The following CRYBG1 variants were observed in gnomAD, a reference collection of about 807,000 sequenced individuals.
CRYBG1 encodes the protein beta/gamma crystallin domain-containing protein 1.
A neutral mutation model predicts 189.2 loss-of-function variants in CRYBG1; 139 were observed. The ratio of observed to expected loss-of-function variants is 0.73; its 90% CI spans 0.64 to 0.85. CRYBG1 has a LOEUF of 0.85. Among genes scored for constraint, CRYBG1 ranks in the 40% least tolerant of loss-of-function variants. The pLI is 0.00. For synonymous variants in CRYBG1, 1,023 were observed against 1,017.1 expected (o/e 1.01, Z -0.11); for missense variants, 2,611 against 2,675.8 (o/e 0.98, Z 0.53).
chr6:106,551,948 T>C lies in CRYBG1; in HGVS notation c.5409T>C (p.Cys1803=). ...TSFEDWGGKN[C]KISSVQPICL... ...TTGAGGACTGGGGAGGCAAAAATTG[T>C]AAGATCTCTTCTGTTCAACCTATAT... The change falls in exon 14 of 22, where the codon TGT becomes TGC. Residue 1803 remains cysteine, a synonymous_variant. Coordinates refer to ENST00000633556, the MANE Select transcript of CRYBG1 (RefSeq NM_001371242.2). 6.2e-7 allele frequency: 1 copy of C among 1,609,962 alleles called. No homozygotes were observed. Among genetic ancestry groups the C allele is most frequent in the South Asian group, 1.1e-5 (1 of 90,900 alleles).
intron 2 of CRYBG1, among the ~76,000 whole-genome samples, chr6:106,499,046 T>C: frequency 6.6e-6 from 1 of 152,178 alleles, no homozygotes; most frequent in East Asian, 1.9e-4. Flanking sequence ...GGATAATTTA[T>C]ATATTTTTCA....
At chr6:106,548,748 T>G (rs1298503408) in intron 13 of CRYBG1, among the ~76,000 whole-genome samples, 1 of 152,054 alleles carries the variant, frequency 6.6e-6, no homozygotes, top group Non-Finnish European at 1.5e-5. Context: ...TTTTTAAATT[T>G]TATTATTATT....
intron 15 of CRYBG1, 151 bp from the exon 16 acceptor site, chr6:106,553,304 G>T: frequency 1.7e-6 from 1 of 604,322 alleles, no homozygotes. Flanking sequence ...GATCATGAAT[G>T]TAGACATGGA....
chr6:106,450,958 A>G (rs1771771094), intron 1 of CRYBG1, among the ~76,000 whole-genome samples: 1 of 152,232 alleles, frequency 6.6e-6, no homozygotes. Context: ...TGCCTAAATC[A>G]GTTACTGGTG....
At position 106,543,509 on chromosome 6, in the gene CRYBG1, G is replaced by A. The variant is rs1470824864; in HGVS notation, c.4951G>A (p.Val1651Ile). 4 of 1,614,086 alleles carry A rather than the reference G, an allele frequency of 2.5e-6. No individual in the cohort carries two copies. Among genetic ancestry groups the A allele is most frequent in the South Asian group, 2.2e-5 (2 of 91,088 alleles). Residue 1651 changes from valine to isoleucine, a missense_variant, in exon 11 of 22, where the codon GTC becomes ATC. This residue lies in a region of CRYBG1 where 1,622 missense variants were observed against 1,735.0 expected (regional missense o/e 0.93). Transcript: ENST00000633556. ...VELETGMCSF[V>I]MEGGETEEAT... Reference sequence around the variant, plus strand: ...ACTAGAAACAGGAATGTGTAGTTTTGTCATGGAGGGAGGTGAAACAGAAGA... The same window carrying A: ...ACTAGAAACAGGAATGTGTAGTTTTATCATGGAGGGAGGTGAAACAGAAGA...
intron 3 of CRYBG1, 86 bp downstream of exon 3, chr6:106,513,125 T>C (rs552765874): frequency 1.4e-6 from 2 of 1,441,414 alleles, no homozygotes; most frequent in East Asian, 2.5e-5. Context: ...ATCTGCATTG[T>C]GGAAGAAACG....
At chr6:106,553,196 G>C (rs1014979679) in intron 15 of CRYBG1, among the ~76,000 whole-genome samples, 1 of 152,062 alleles carries the variant, frequency 6.6e-6, no homozygotes, top group Admixed American at 6.6e-5. Flanking sequence ...TTCACAACAG[G>C]GTGTTCTATA....
chr6:106,379,894 T>C (rs1226567941), intron 1 of CRYBG1, among the ~76,000 whole-genome samples: 1 of 152,226 alleles, frequency 6.6e-6, no homozygotes, highest in Non-Finnish European at 1.5e-5. Context: ...TTTTACATTC[T>C]AATTACAGAT....
At chr6:106,506,009 G>T (rs1773125220) in intron 2 of CRYBG1, among the ~76,000 whole-genome samples, 1 of 152,150 alleles carries the variant, frequency 6.6e-6, no homozygotes, top group East Asian at 1.9e-4. Context: ...ACAAGATTTT[G>T]TTCCACTTTC....
rs566901310 is a variant in CRYBG1, at chr6:106,425,427, C to T, written c.174-26267C>T. ...TTATCCTACTCCTTGACATTCTATA[C>T]TTGCAGTTAACTCCCTTCAGTGTAG... On this transcript the variant is annotated intron_variant, in intron 1 of 21. Coordinates refer to ENST00000633556, the MANE Select transcript of CRYBG1 (RefSeq NM_001371242.2). 5.3e-5 allele frequency among the ~76,000 whole-genome samples: 8 copies of T among 152,290 alleles called. No homozygotes were observed. In the East Asian group the frequency reaches 1.2e-3, roughly 22 times the overall value.
chr6:106,519,192 G>A lies in CRYBG1; in HGVS notation c.1984G>A (p.Gly662Arg). 6.2e-7 allele frequency: 1 copy of A among 1,614,072 alleles called. No homozygotes were observed. The highest frequency in any genetic ancestry group is 8.5e-7 in the Non-Finnish European group (1 of 1,180,024). The part of the protein sequence containing the change: ...LKTPKNLDSL[G>R]NEHNPFSQPV... ...AACCCCTAAGAATCTTGACAGTTTG[G>A]GAAATGAGCACAATCCATTTAGCCA... The change falls in exon 4 of 22, where the codon GGA becomes AGA. Residue 662 changes from glycine (G) to arginine (R), a missense_variant. By Grantham distance (125) the Gly-to-Arg change is moderately radical (BLOSUM62 -2). Transcript: ENST00000633556.
At chr6:106,437,090 C>T (rs139183965) in intron 1 of CRYBG1, among the ~76,000 whole-genome samples, 80 of 152,252 alleles carry the variant, frequency 5.3e-4, no homozygotes, top group Non-Finnish European at 1.5e-4. Context: ...GCACTCCAGC[C>T]TAGGCAACAG....
chr6:106,455,554 G>T (rs1393770232), intron 2 of CRYBG1, among the ~76,000 whole-genome samples: 1 of 149,040 alleles, frequency 6.7e-6, no homozygotes, highest in Non-Finnish European at 1.5e-5. Flanking sequence ...TATCTTCAAA[G>T]AGAGTACTTG....
rs141617013 is a variant in CRYBG1 at position 106,514,918 on chromosome 6, A to C, written c.1922+1879A>C. ...CATTTGGCAAATTATTGACTTAAAA[A>C]TTAATAAGTATTTCTAGTCCTTTGA... is the stretch of plus-strand genomic sequence containing the variant. On this transcript the variant is annotated intron_variant, in intron 3 of 21. Transcript: ENST00000633556. 4.2e-3 allele frequency among the ~76,000 whole-genome samples: 633 copies of C among 152,338 alleles called. 2 individuals are homozygous for C. The highest frequency in any genetic ancestry group is 6.3e-3 in the Non-Finnish European group (430 of 68,026).
chr6:106,388,770 T>C (rs17317556), intron 1 of CRYBG1, among the ~76,000 whole-genome samples: 25,360 of 152,202 alleles, frequency 0.17, 2,281 homozygotes, highest in Admixed American at 0.24. Flanking sequence ...TAGAATAAGA[T>C]GCCACCATAT....
chr6:106,452,621 A>G (rs927686386), intron 2 of CRYBG1, among the ~76,000 whole-genome samples: 1 of 152,154 alleles, frequency 6.6e-6, no homozygotes, highest in Non-Finnish European at 1.5e-5. Context: ...AAAAGCACTT[A>G]TGCTTTTTTC....
At chr6:106,527,564 G>A (rs1344019562) in intron 7 of CRYBG1, 94 bp downstream of exon 7, 1 of 1,316,974 alleles carries the variant, frequency 7.6e-7, no homozygotes. Context: ...TATGTGATTG[G>A]GAAACATATT....
At chr6:106,557,818 G>GA (rs1168981979) in intron 17 of CRYBG1, among the ~76,000 whole-genome samples, 5 of 152,178 alleles carry the variant, frequency 3.3e-5, no homozygotes, top group African/African-American at 4.8e-5. Context: ...TCTATAATTT[G>GA]AAAAAACAGG....
chr6:106,374,135 G>A (rs1770100116), intron 1 of CRYBG1, among the ~76,000 whole-genome samples: 1 of 152,200 alleles, frequency 6.6e-6, no homozygotes, highest in Non-Finnish European at 1.5e-5. Flanking sequence ...TGGCAAACCA[G>A]TTCAAGTTCT....
Sources: gnomAD v4.1 joint callset for allele counts (sites outside exome capture counted in the v4.1 genomes callset) on GRCh38, gnomAD v4.1.1 for gene constraint, gnomAD v4.1.1 regional missense constraint, MANE v1.5 for transcripts, NCBI Gene and HGNC (gene_info 2026-07-23, HGNC 2026-07-21) for gene names.